The following CSMD1 variants were observed in gnomAD, a reference collection of about 807,000 sequenced individuals.
The protein encoded by CSMD1 is CUB and sushi domain-containing protein 1.
In CSMD1, 213 loss-of-function variants were observed where a neutral mutation model predicts 417.5. The ratio of observed to expected loss-of-function variants is 0.51; its 90% CI spans 0.46 to 0.57. CSMD1 has a LOEUF of 0.57. CSMD1 is among the 20% of genes least tolerant of loss of function. The pLI, the probability that CSMD1 is intolerant of heterozygous loss-of-function variation, is 0.00. For synonymous variants in CSMD1, 2,862 were observed against 1,736.8 expected (o/e 1.65, Z -16.11); for missense variants, 6,923 against 4,529.7 (o/e 1.53, Z -15.17).
At chr8:3,099,538 A>G (rs1031461217) in intron 46 of CSMD1, among the ~76,000 whole-genome samples, 1 of 152,212 alleles carries the variant, frequency 6.6e-6, no homozygotes, top group Non-Finnish European at 1.5e-5. Flanking sequence ...CTTGAAAAAC[A>G]GTTAGCCAAT....
intron 5 of CSMD1, among the ~76,000 whole-genome samples, chr8:3,831,692 T>A (rs1330327386): frequency 1.3e-5 from 2 of 152,170 alleles, no homozygotes; most frequent in Non-Finnish European, 2.9e-5. Flanking sequence ...GATATATGTT[T>A]GGAATGCCAA....
intron 2 of CSMD1, among the ~76,000 whole-genome samples, chr8:4,567,991 A>G (rs931498092): frequency 1.3e-5 from 2 of 152,208 alleles, no homozygotes; most frequent in African/African-American, 4.8e-5. Context: ...TTTGAGTATC[A>G]GTGATTTTCA....
intron 1 of CSMD1, among the ~76,000 whole-genome samples, chr8:4,852,503 T>A (rs1801536935): frequency 6.6e-6 from 1 of 152,194 alleles, no homozygotes; most frequent in South Asian, 2.1e-4. Context: ...GGTCAGCCAA[T>A]TAAACCTCTT....
chr8:4,161,000 T>G (rs974239341), intron 3 of CSMD1, among the ~76,000 whole-genome samples: 1 of 152,206 alleles, frequency 6.6e-6, no homozygotes, highest in Non-Finnish European at 1.5e-5. Flanking sequence ...GTGATCACTT[T>G]GTCCTTCTTC....
chr8:3,836,046 G>T (rs1802677011), intron 5 of CSMD1, among the ~76,000 whole-genome samples: 1 of 151,784 alleles, frequency 6.6e-6, no homozygotes, highest in Admixed American at 6.6e-5. Context: ...TTTTCTAATT[G>T]TTTATTGATT....
rs150327531 is a variant in CSMD1, at chr8:4,552,591, G to C, written c.302+84751C>G. Among the ~76,000 whole-genome samples, 424 of 152,140 alleles carry C rather than the reference G, an allele frequency of 2.8e-3. 1 individual carries two copies. The highest frequency in any genetic ancestry group is 0.01 in the Middle Eastern group (3 of 294). On this transcript the variant is annotated intron_variant, in intron 2 of 69. Transcript: ENST00000635120. ...TTGGGCATCCGGTTCTCCTGAAATG[G>C]ACTTCTGGAATCACAGTGAGTTTCA...
chr8:3,118,376 C>G (rs1816987451), intron 42 of CSMD1, 23 bp downstream of exon 42: 1 of 1,564,490 alleles, frequency 6.4e-7, no homozygotes, highest in Non-Finnish European at 8.7e-7. Flanking sequence ...TTAAATCGCC[C>G]CCATGCAAAG....
rs568832280 is a variant in CSMD1 at position 4,716,045 on chromosome 8, G to C, written c.86-78487C>G. ...GGGCAGATTCCAAAGCCAACCAATAGTAAGGGAGCTGACAGAGAAGCTGCT... is the reference window on the plus strand; with the variant it reads ...GGGCAGATTCCAAAGCCAACCAATACTAAGGGAGCTGACAGAGAAGCTGCT... On this transcript the variant is annotated intron_variant, in intron 1 of 69. Coordinates refer to ENST00000635120, the MANE Select transcript of CSMD1 (RefSeq NM_033225.6). Among the ~76,000 whole-genome samples the C allele has an allele frequency of 5.3e-5, 8 of 152,326 alleles. No homozygotes were observed. The South Asian group carries it at 1.2e-3, about 24-fold the overall frequency.
chr8:4,970,409 T>A (rs1810165923), intron 1 of CSMD1, among the ~76,000 whole-genome samples: 1 of 152,186 alleles, frequency 6.6e-6, no homozygotes, highest in African/African-American at 2.4e-5. Context: ...TTTATCTTCA[T>A]CAACTTTACA....
At chr8:4,124,629 T>C (rs1585367207) in intron 3 of CSMD1, among the ~76,000 whole-genome samples, 2 of 152,258 alleles carry the variant, frequency 1.3e-5, no homozygotes, top group African/African-American at 2.4e-5. Flanking sequence ...CAGACCTCAC[T>C]GGCAAGGCCC....
At chr8:4,577,751 C>T (rs2725061) in intron 2 of CSMD1, among the ~76,000 whole-genome samples, 26,888 of 152,156 alleles carry the variant, frequency 0.18, 2,636 homozygotes, top group African/African-American at 0.26. Flanking sequence ...TGTTTGATTA[C>T]TTTATCTGCC....
chr8:3,498,694 TA>T (rs1796468234), intron 10 of CSMD1, among the ~76,000 whole-genome samples: 2 of 152,342 alleles, frequency 1.3e-5, no homozygotes, highest in African/African-American at 4.8e-5. Flanking sequence ...TATTCTTACT[TA>T]TTCTTTTTTG....
chr8:4,161,452 A>T (rs1225604767), intron 3 of CSMD1, among the ~76,000 whole-genome samples: 1 of 152,216 alleles, frequency 6.6e-6, no homozygotes, highest in East Asian at 1.9e-4. Flanking sequence ...AAACTGGAAT[A>T]AGTTGAATGG....
At chr8:3,945,301 T>C (rs1026564255) in intron 5 of CSMD1, among the ~76,000 whole-genome samples, 3 of 152,070 alleles carry the variant, frequency 2.0e-5, no homozygotes, top group Non-Finnish European at 4.4e-5. Flanking sequence ...ATCACTAGTT[T>C]AATAAGAAAT....
At chr8:3,745,076 G>A (rs527909445) in intron 6 of CSMD1, among the ~76,000 whole-genome samples, 1 of 152,254 alleles carries the variant, frequency 6.6e-6, no homozygotes, top group South Asian at 2.1e-4. Context: ...AACCATTATG[G>A]ACATACAAGC....
At chr8:4,334,894 G>C (rs769786710) in intron 3 of CSMD1, among the ~76,000 whole-genome samples, 3 of 152,054 alleles carry the variant, frequency 2.0e-5, no homozygotes, top group Non-Finnish European at 2.9e-5. Flanking sequence ...TGATAGATCA[G>C]GTGTCAGTGA....
At chr8:4,903,009 TAATAAATAAATAAATA>T (rs3038343) in intron 1 of CSMD1, among the ~76,000 whole-genome samples, 89 of 144,412 alleles carry the variant, frequency 6.2e-4, no homozygotes, top group Admixed American at 2.4e-3. Context: ...ATAATATTAA[TAATAAATAAATAAATA>T]AATAAATAAA....
At chr8:4,548,019 T>C (rs2130548529) in intron 2 of CSMD1, among the ~76,000 whole-genome samples, 1 of 152,254 alleles carries the variant, frequency 6.6e-6, no homozygotes, top group East Asian at 1.9e-4. Flanking sequence ...GTACTCCCTT[T>C]AAAAAACATT....
At position 4,420,095 on chromosome 8, in the gene CSMD1, G is replaced by C. The variant is rs767987945; in HGVS notation, c.303-30C>G. On this transcript the variant is annotated intron_variant, in intron 2 of 69. Transcript: ENST00000635120. ...ATTTAAAAGACAAGACACAAAGAGA[G>C]TTAAAAGCATGAATTTGTCAAAAAA... The C allele has an allele frequency of 8.8e-6, 13 of 1,469,380 alleles. No individual in the cohort carries two copies. The South Asian group carries it at 1.5e-4, about 17-fold the overall frequency. 91.0% of individuals were successfully genotyped at this position (1,469,380 alleles called of 1,614,324 possible).
Sources: gnomAD v4.1 joint callset for allele counts (sites outside exome capture counted in the v4.1 genomes callset) on GRCh38, gnomAD v4.1.1 for gene constraint, MANE v1.5 for transcripts, NCBI Gene and HGNC (gene_info 2026-07-23, HGNC 2026-07-21) for gene names.